The following C3orf38 variants were observed in gnomAD, a reference collection of about 807,000 sequenced individuals.
C3orf38 encodes the protein chromosome 3 open reading frame 38, also known as uncharacterized protein C3orf38.
A neutral mutation model predicts 28.3 loss-of-function variants in C3orf38; 18 were observed. The ratio of observed to expected loss-of-function variants is 0.64; its 90% CI spans 0.44 to 0.94. The LOEUF is 0.94. Ranked by LOEUF, C3orf38 falls within the 40% of genes least tolerant of loss-of-function variation. The probability of loss-of-function intolerance (pLI) is 0.00; values close to 1 mark genes in which losing one functional copy is unlikely to be tolerated. For missense variants in C3orf38, 364 were observed against 396.4 expected (o/e 0.92, Z 0.69); for synonymous variants, 145 against 138.1 (o/e 1.05, Z -0.35).
rs566661751 is a variant in C3orf38, at chr3:88,154,180, G to A, written c.375+709G>A. The stretch of plus-strand genomic sequence containing the variant: ...TGGTATTGCAAAAATGTCATGAAAG[G>A]AACTTAAAATTTTACTTTAAAAAAA... On this transcript the variant is annotated intron_variant, in intron 2 of 2. Coordinates refer to ENST00000318887, the MANE Select transcript of C3orf38 (RefSeq NM_173824.4). Among the ~76,000 whole-genome samples, 6 of 152,032 alleles carry A rather than the reference G, an allele frequency of 3.9e-5. No homozygotes were observed. The South Asian group carries it at 8.3e-4, about 21-fold the overall frequency.
intron 2 of C3orf38, 71 bp from the exon 3 acceptor site, chr3:88,155,950 C>A (rs1379196664): frequency 2.4e-6 from 3 of 1,240,512 alleles, no homozygotes; most frequent in African/African-American, 3.1e-5. Context: ...ACTTAATAGG[C>A]TAGATAGAAA....
At position 88,156,381 on chromosome 3, in the gene C3orf38, T is replaced by G; in HGVS notation, c.736T>G (p.Cys246Gly). The change falls in exon 3 of 3, where the codon TGT (cysteine) becomes GGT (glycine). Residue 246 changes from cysteine to glycine, a missense_variant. Physicochemically the swap from Cys to Gly is radical, Grantham distance 159 (BLOSUM62 -3). Transcript: ENST00000318887. ...VAGTVHRGNT[C>G]LGIFEQIFGL... Reference sequence around the variant, plus strand: ...TGGGACTGTCCATCGAGGAAACACTTGTTTGGGCATTTTTGAACAAATTTT... The same window carrying G: ...TGGGACTGTCCATCGAGGAAACACTGGTTTGGGCATTTTTGAACAAATTTT... 1 of 1,614,190 alleles carries G rather than the reference T, an allele frequency of 6.2e-7. No homozygotes were observed. The highest frequency in any genetic ancestry group is 8.5e-7 in the Non-Finnish European group (1 of 1,180,044).
rs149902550 is a variant in C3orf38, at chr3:88,156,362, T to A, written c.717T>A (p.Thr239=). Residue 239 remains threonine (T), a synonymous_variant, in exon 3 of 3, where the codon ACT becomes ACA. Transcript: ENST00000318887. ...HGLVMVGVAG[T]VHRGNTCLGI... ...TGGTTATGGTTGGAGTTGCTGGGAC[T>A]GTCCATCGAGGAAACACTTGTTTGG... 1.9e-4 allele frequency: 299 copies of A among 1,614,256 alleles called. 2 individuals carry two copies. In the African/African-American group the frequency reaches 3.1e-3, roughly 17 times the overall value.
At position 88,153,452 on chromosome 3, in the gene C3orf38, A is replaced by G; in HGVS notation, c.356A>G (p.Asp119Gly). 1 of 1,614,064 alleles carries G rather than the reference A, an allele frequency of 6.2e-7. No homozygotes were observed. Among genetic ancestry groups the G allele is most frequent in the Non-Finnish European group, 8.5e-7 (1 of 1,180,020 alleles). The change falls in exon 2 of 3, where the codon GAC becomes GGC. Residue 119 changes from aspartate (D) to glycine (G), a missense_variant. Transcript: ENST00000318887. ...ETPEPVTKTE[D>G]IHLFQQQVKE... is the part of the protein sequence containing the mutation. The stretch of plus-strand genomic sequence containing the variant: ...CCAGAGCCAGTTACAAAGACAGAGG[A>G]CATCCACCTATTTCAACAGGTAAAA...
intron 2 of C3orf38, among the ~76,000 whole-genome samples, chr3:88,154,426 G>A (rs9865703): frequency 0.75 from 113,350 of 151,034 alleles, 44,458 homozygotes; most frequent in South Asian, 0.91. Flanking sequence ...TTCTCCAGCG[G>A]ACATTGGCTG....
intron 2 of C3orf38, among the ~76,000 whole-genome samples, 168 bp from the exon 3 acceptor site, chr3:88,155,853 C>A (rs745866883): frequency 1.1e-4 from 16 of 152,066 alleles, no homozygotes; most frequent in Non-Finnish European, 2.2e-4. Flanking sequence ...GATTTTTCTC[C>A]TCTTGAAAAA....
Position 88,149,961 on chromosome 3 carries a change from G to A in C3orf38, c.-92G>A. On this transcript the variant is annotated 5_prime_UTR_variant, in exon 1 of 3. Transcript: ENST00000318887. ...GAGGCCCTTCGACGGAGAACAACAA[G>A]AAAGGCACTTCCGGTGTCTGTTGCC... 2 of 1,535,534 alleles carry A rather than the reference G, an allele frequency of 1.3e-6. No homozygotes were observed. The highest frequency in any genetic ancestry group is 1.8e-6 in the Non-Finnish European group (2 of 1,117,094).
chr3:88,153,127 T>C, intron 1 of C3orf38, 103 bp from the exon 2 acceptor site: 1 of 1,083,142 alleles, frequency 9.2e-7, no homozygotes, highest in Non-Finnish European at 1.3e-6. Flanking sequence ...GCAATAATGC[T>C]GTGACGAGAG....
Position 88,157,864 on chromosome 3 carries a change from A to G in C3orf38, c.*1229A>G, listed in dbSNP as rs187156027. The G allele has an allele frequency of 6.6e-6, 1 of 152,080 alleles. No homozygotes were observed. Among genetic ancestry groups the G allele is most frequent in the African/African-American group, 2.4e-5 (1 of 41,406 alleles). The allele number at this position is 152,080 out of a possible 1,614,324, so 9.4% of individuals were successfully genotyped here. ...TTTGGAAATGGGAGCCTGGAAACTC[A>G]TCTTTGTTTTTTTAATGCTATGCCT... On this transcript the variant is annotated 3_prime_UTR_variant, in exon 3 of 3. Transcript: ENST00000318887.
chr3:88,153,695 C>T (rs1254307138), intron 2 of C3orf38, among the ~76,000 whole-genome samples: 1 of 152,062 alleles, frequency 6.6e-6, no homozygotes, highest in African/African-American at 2.4e-5. Flanking sequence ...CCTCTGTCTC[C>T]TGAGTAGCTA....
intron 2 of C3orf38, among the ~76,000 whole-genome samples, chr3:88,155,000 C>T (rs1212517447): frequency 6.6e-6 from 1 of 152,024 alleles, no homozygotes; most frequent in Non-Finnish European, 1.5e-5. Context: ...GCTGGAATTA[C>T]AGGCATGCGC....
In C3orf38 at chr3:88,153,388, T is replaced by G. The variant is rs773499618; in HGVS notation, c.292T>G (p.Tyr98Asp). The change falls in exon 2 of 3, where the codon TAC (tyrosine) becomes GAC (aspartate). Residue 98 changes from tyrosine to aspartate, a missense_variant. Physicochemically the swap from Tyr to Asp is radical, Grantham distance 160. Transcript: ENST00000318887. ...CAATCTTATTCAGCATGCAAAAGAT[T>G]ACTGGCAAAAGCAACCACAACTGAA... is the stretch of plus-strand genomic sequence containing the variant. ...KHNLIQHAKD[Y>D]WQKQPQLKLK... 6.2e-7 allele frequency: 1 copy of G among 1,613,862 alleles called. No individual in the cohort carries two copies. Among genetic ancestry groups the G allele is most frequent in the South Asian group, 1.1e-5 (1 of 91,066 alleles).
In C3orf38 at chr3:88,156,699, T is replaced by C; in HGVS notation, c.*64T>C. The C allele has an allele frequency of 6.6e-7, 1 of 1,513,084 alleles. No individual in the cohort carries two copies. The highest frequency in any genetic ancestry group is 8.9e-7 in the Non-Finnish European group (1 of 1,126,612). The allele number at this position is 1,513,084 out of a possible 1,614,324, so 93.7% of individuals were successfully genotyped here. On this transcript the variant is annotated 3_prime_UTR_variant, in exon 3 of 3. Coordinates refer to ENST00000318887, the MANE Select transcript of C3orf38 (RefSeq NM_173824.4). ...GGGTTTACCTGACCCTCTAAAGCGC[T>C]AAGTACTGTCAGCCTGAAAAAAATC...
At position 88,156,388 on chromosome 3, in the gene C3orf38, G is replaced by T; in HGVS notation, c.743G>T (p.Gly248Val). 1 of 1,614,178 alleles carries T rather than the reference G, an allele frequency of 6.2e-7. No individual in the cohort carries two copies. The highest frequency in any genetic ancestry group is 1.1e-5 in the South Asian group (1 of 91,088). Reference protein sequence around the residue: ...GTVHRGNTCLGIFEQIFGLIR... With the variant: ...GTVHRGNTCLVIFEQIFGLIR... The stretch of plus-strand genomic sequence containing the variant: ...GTCCATCGAGGAAACACTTGTTTGG[G>T]CATTTTTGAACAAATTTTTGGACTC... Residue 248 changes from glycine to valine, a missense_variant, in exon 3 of 3, where the codon GGC becomes GTC. Coordinates refer to ENST00000318887, the MANE Select transcript of C3orf38 (RefSeq NM_173824.4).
intron 1 of C3orf38, among the ~76,000 whole-genome samples, chr3:88,152,418 A>G (rs1576369111): frequency 6.6e-6 from 1 of 151,846 alleles, no homozygotes; most frequent in East Asian, 1.9e-4. Flanking sequence ...TCAAAAGAAT[A>G]AAAATTAAAA....
At position 88,150,006 on chromosome 3, in the gene C3orf38, C is replaced by T. The variant is rs762850514; in HGVS notation, c.-47C>T. 8 of 1,610,258 alleles carry T rather than the reference C, an allele frequency of 5.0e-6. No homozygotes were observed. In the Admixed American group the frequency reaches 6.7e-5, roughly 14 times the overall value. Reference sequence around the variant, plus strand: ...GTTGCCAGGCGCGGGCCCAGTGGGCCGTAGGGGCGACATTGTTGCCGTTGT... The same window carrying T: ...GTTGCCAGGCGCGGGCCCAGTGGGCTGTAGGGGCGACATTGTTGCCGTTGT... On this transcript the variant is annotated 5_prime_UTR_variant, in exon 1 of 3. Transcript: ENST00000318887.
intron 1 of C3orf38, among the ~76,000 whole-genome samples, chr3:88,151,988 G>A (rs1707420219): frequency 6.6e-6 from 1 of 152,188 alleles, no homozygotes; most frequent in Non-Finnish European, 1.5e-5. Flanking sequence ...TAGCATTAGG[G>A]AAGAGACGAA....
chr3:88,155,084 T>A (rs915655979), intron 2 of C3orf38, among the ~76,000 whole-genome samples: 2 of 152,074 alleles, frequency 1.3e-5, no homozygotes, highest in African/African-American at 4.8e-5. Flanking sequence ...GGTCTTGAAC[T>A]CCTAACCTCA....
At position 88,155,930 on chromosome 3, in the gene C3orf38, G is replaced by A. The variant is rs1407783459; in HGVS notation, c.376-91G>A. The A allele has an allele frequency of 2.6e-5, 26 of 990,008 alleles. No homozygotes were observed. The South Asian group carries it at 4.7e-4, about 18-fold the overall frequency. The allele number at this position is 990,008 out of a possible 1,614,324, so 61.3% of individuals were successfully genotyped here. ...GGTTCATTTCTCTCTGGTGTAATGG[G>A]TTCATTCAAACTTAATAGGCTAGAT... On this transcript the variant is annotated intron_variant, in intron 2 of 2. Transcript: ENST00000318887.
Sources: allele counts gnomAD v4.1 joint callset (sites outside exome capture counted in the v4.1 genomes callset), GRCh38; gene constraint gnomAD v4.1.1; transcripts MANE v1.5; gene names NCBI Gene and HGNC (gene_info 2026-07-23, HGNC 2026-07-21).